MRTFA: variants seen among roughly 807,000 people sequenced by gnomAD.
MRTFA encodes myocardin related transcription factor A.
A neutral mutation model predicts 83.5 loss-of-function variants in MRTFA; 20 were observed. The ratio of observed to expected loss-of-function variants is 0.24; its 90% CI spans 0.17 to 0.35. MRTFA has a LOEUF of 0.35. MRTFA is among the 10% of genes least tolerant of loss of function. The pLI is 1.00. For synonymous variants in MRTFA, 659 were observed against 541.2 expected (o/e 1.22, Z -3.02); for missense variants, 1,200 against 1,224.7 (o/e 0.98, Z 0.30).
In MRTFA at chr22:40,411,256, CA is replaced by C; in HGVS notation, c.*133del. ...TAAGGGCTTCTCTGTTCTAGCCTCC[CA>C]GGGAAGGGAAAAAGCAGGGGCTGTG... is the stretch of plus-strand genomic sequence containing the variant. On this transcript the variant is annotated 3_prime_UTR_variant, in exon 15 of 15. Coordinates refer to ENST00000355630, the MANE Select transcript of MRTFA (RefSeq NM_020831.6). 2 of 1,004,240 alleles carry C rather than the reference CA, an allele frequency of 2.0e-6. No individual in the cohort carries two copies. Among genetic ancestry groups the C allele is most frequent in the Non-Finnish European group, 2.8e-6 (2 of 702,328 alleles). The allele number at this position is 1,004,240 out of a possible 1,614,324, so 62.2% of individuals were successfully genotyped here.
chr22:40,512,548 C>A (rs1449240987), intron 3 of MRTFA, among the ~76,000 whole-genome samples: 9 of 152,206 alleles, frequency 5.9e-5, no homozygotes, highest in Admixed American at 5.9e-4. Flanking sequence ...CTATCCCTAA[C>A]CATGAGAACC....
At chr22:40,481,195 C>T (rs2054084885) in intron 3 of MRTFA, among the ~76,000 whole-genome samples, 2 of 152,102 alleles carry the variant, frequency 1.3e-5, no homozygotes, top group Admixed American at 1.3e-4. Flanking sequence ...TGTAAGAGGA[C>T]GTCACAGGAC....
intron 11 of MRTFA, 94 bp from the exon 12 acceptor site, chr22:40,419,478 G>A (rs762785011): frequency 1.4e-5 from 16 of 1,134,958 alleles, no homozygotes; most frequent in South Asian, 6.6e-5. Context: ...ATGGGCCACT[G>A]CAGATGCATC....
chr22:40,557,985 G>T (rs1255773899), intron 2 of MRTFA, among the ~76,000 whole-genome samples: 1 of 152,164 alleles, frequency 6.6e-6, no homozygotes, highest in Non-Finnish European at 1.5e-5. Context: ...TGTTGCCCAG[G>T]CTGGTCTTAA....
At chr22:40,551,518 C>T (rs868356571) in intron 3 of MRTFA, among the ~76,000 whole-genome samples, 1 of 152,100 alleles carries the variant, frequency 6.6e-6, no homozygotes, top group Non-Finnish European at 1.5e-5. Flanking sequence ...CAAGTGTGTG[C>T]CACCAAGCCC....
At chr22:40,469,273 G>C (rs751235141) in intron 3 of MRTFA, among the ~76,000 whole-genome samples, 51 of 152,262 alleles carry the variant, frequency 3.3e-4, no homozygotes, top group Non-Finnish European at 4.4e-5. Flanking sequence ...GGGTCATGGC[G>C]GCAGATGTCC....
rs1434438725 is a variant in MRTFA at position 40,612,261 on chromosome 22, A to C, written c.-83-17526T>G. The stretch of plus-strand genomic sequence containing the variant: ...CAAGAGACCACTTCCAGGAGAAACC[A>C]AAAAAAATTAACTCTCTAAAATGAC... On this transcript the variant is annotated intron_variant, in intron 1 of 14. Coordinates refer to ENST00000355630, the MANE Select transcript of MRTFA (RefSeq NM_020831.6). 2.0e-5 allele frequency among the ~76,000 whole-genome samples: 3 copies of C among 152,140 alleles called. No individual in the cohort carries two copies. In the East Asian group the frequency reaches 5.8e-4, roughly 29 times the overall value.
intron 4 of MRTFA, among the ~76,000 whole-genome samples, chr22:40,455,767 CACA>C (rs927556937): frequency 1.3e-5 from 2 of 150,180 alleles, no homozygotes; most frequent in African/African-American, 2.5e-5. Context: ...AGTTGGGGGA[CACA>C]ACAACAACAA....
intron 9 of MRTFA, 89 bp downstream of exon 9, chr22:40,423,447 T>C: frequency 7.9e-7 from 1 of 1,258,352 alleles, no homozygotes; most frequent in Non-Finnish European, 1.1e-6. Context: ...CCACACCCTC[T>C]ACAGCTGTCC....
chr22:40,550,921 G>A (rs1419958479), intron 3 of MRTFA, among the ~76,000 whole-genome samples: 3 of 147,292 alleles, frequency 2.0e-5, no homozygotes, highest in East Asian at 2.0e-4. Flanking sequence ...GCGCGATCTC[G>A]GCTCACCGCA....
chr22:40,499,917 T>TTTA (rs1164787254), intron 3 of MRTFA, among the ~76,000 whole-genome samples: 2 of 139,176 alleles, frequency 1.4e-5, no homozygotes, highest in African/African-American at 5.4e-5. Context: ...AGTAGACCTT[T>TTTA]TTTTTTTTTT....
intron 1 of MRTFA, among the ~76,000 whole-genome samples, chr22:40,602,801 C>A (rs2056275615): frequency 6.6e-6 from 1 of 152,034 alleles, no homozygotes; most frequent in Admixed American, 6.6e-5. Flanking sequence ...GAGCCAAGAT[C>A]ACACTATTGC....
At chr22:40,516,297 G>A (rs2054756916) in intron 3 of MRTFA, among the ~76,000 whole-genome samples, 1 of 151,702 alleles carries the variant, frequency 6.6e-6, no homozygotes, top group African/African-American at 2.4e-5. Context: ...CAGGTGCCTT[G>A]TAGTCGCAGC....
At chr22:40,483,438 C>G (rs975219660) in intron 3 of MRTFA, among the ~76,000 whole-genome samples, 1 of 150,694 alleles carries the variant, frequency 6.6e-6, no homozygotes, top group Non-Finnish European at 1.5e-5. Flanking sequence ...GTAATCCCAG[C>G]ACTTTGGGAG....
At chr22:40,625,754 G>A (rs1346140687) in intron 1 of MRTFA, among the ~76,000 whole-genome samples, 2 of 151,930 alleles carry the variant, frequency 1.3e-5, no homozygotes, top group East Asian at 3.9e-4. Flanking sequence ...ACTCCAGCCT[G>A]GGCAACAGAG....
At chr22:40,577,833 T>G (rs180976714) in intron 2 of MRTFA, among the ~76,000 whole-genome samples, 1 of 151,866 alleles carries the variant, frequency 6.6e-6, no homozygotes, top group African/African-American at 2.4e-5. Context: ...CTCAAACTCC[T>G]GACCTCAGGT....
At chr22:40,607,651 T>C (rs2056334182) in intron 1 of MRTFA, among the ~76,000 whole-genome samples, 1 of 152,200 alleles carries the variant, frequency 6.6e-6, no homozygotes, top group South Asian at 2.1e-4. Flanking sequence ...TCCCAACAGC[T>C]GAGCACAACA....
At chr22:40,463,421 C>G in intron 3 of MRTFA, 135 bp from the exon 4 acceptor site, 2 of 691,702 alleles carry the variant, frequency 2.9e-6, no homozygotes, top group Non-Finnish European at 5.1e-6. Flanking sequence ...TGAAGTGCAA[C>G]TGTCTGTAAT....
chr22:40,630,289 C>G (rs1352218928), intron 1 of MRTFA, among the ~76,000 whole-genome samples: 1 of 151,902 alleles, frequency 6.6e-6, no homozygotes, highest in Non-Finnish European at 1.5e-5. Flanking sequence ...GTGCTCTACC[C>G]TAGGCAAGAG....
Sources: allele counts gnomAD v4.1 joint callset (sites outside exome capture counted in the v4.1 genomes callset), GRCh38; gene constraint gnomAD v4.1.1; transcripts MANE v1.5; gene names NCBI Gene and HGNC (gene_info 2026-07-23, HGNC 2026-07-21).